Variants in ZSWIM5 observed in about 807,000 individuals in gnomAD.
ZSWIM5 encodes zinc finger SWIM domain-containing protein 5.
Under a neutral mutation model 119.6 loss-of-function variants are expected in ZSWIM5, and 55 were observed. The observed-to-expected ratio is 0.46, with a 90% confidence interval of 0.37 to 0.58. The LOEUF (loss-of-function observed/expected upper bound fraction) is 0.58, where lower values mean the gene tolerates loss of function less well. Among genes scored for constraint, ZSWIM5 ranks in the 20% least tolerant of loss-of-function variants. The pLI is 0.00. For missense variants in ZSWIM5, 1,193 were observed against 1,512.8 expected (o/e 0.79, Z 3.51); for synonymous variants, 537 against 606.9 (o/e 0.88, Z 1.69).
At chr1:45,034,547 GCTGGGGAGGAA>G in intron 10 of ZSWIM5, 78 bp from the exon 11 acceptor site, 2 of 1,493,726 alleles carry the variant, frequency 1.3e-6, no homozygotes, top group South Asian at 1.3e-5. Context: ...CTTGCTCTTT[GCTGGGGAGGAA>G]CTGGGGAGAG....
chr1:45,149,510 C>T (rs548543765), intron 1 of ZSWIM5, among the ~76,000 whole-genome samples: 130 of 152,248 alleles, frequency 8.5e-4, no homozygotes, highest in African/African-American at 2.9e-3. Flanking sequence ...TATTGGCATA[C>T]ATGTTACAAA....
At position 45,023,190 on chromosome 1, in the gene ZSWIM5, T is replaced by C. The variant is rs529043414; in HGVS notation, c.2450-2402A>G. Among the ~76,000 whole-genome samples, 5 of 152,352 alleles carry C rather than the reference T, an allele frequency of 3.3e-5. No homozygotes were observed. In the South Asian group the frequency reaches 8.3e-4, roughly 25 times the overall value. Reference sequence around the variant, plus strand: ...ATTAATCCACTATCACAGTGTCATATAAAATAGTTTCACCTCTCTAAAAAT... The same window carrying C: ...ATTAATCCACTATCACAGTGTCATACAAAATAGTTTCACCTCTCTAAAAAT... On this transcript the variant is annotated intron_variant, in intron 11 of 13. Coordinates refer to ENST00000359600, the MANE Select transcript of ZSWIM5 (RefSeq NM_020883.2).
intron 1 of ZSWIM5, among the ~76,000 whole-genome samples, chr1:45,136,780 T>C (rs1645692894): frequency 6.6e-6 from 1 of 152,184 alleles, no homozygotes; most frequent in Non-Finnish European, 1.5e-5. Flanking sequence ...TTGTGAATAC[T>C]AGTCTATTTT....
At chr1:45,033,628 G>T (rs1371820472) in intron 11 of ZSWIM5, among the ~76,000 whole-genome samples, 1 of 152,022 alleles carries the variant, frequency 6.6e-6, no homozygotes, top group Non-Finnish European at 1.5e-5. Flanking sequence ...TCTTATATCT[G>T]TAAGGAGTTC....
Position 45,072,044 on chromosome 1 carries a change from A to G in ZSWIM5, c.953-11797T>C, listed in dbSNP as rs6663316. Among the ~76,000 whole-genome samples the G allele has an allele frequency of 0.021, 3,132 of 152,304 alleles. 115 individuals are homozygous for G. The highest frequency in any genetic ancestry group is 0.072 in the African/African-American group (2,987 of 41,560). The stretch of plus-strand genomic sequence containing the variant: ...TGTACTAATTTACTTTGCCACCAAC[A>G]GTGTACGAGGGTTCCCTTTTCTCCA... On this transcript the variant is annotated intron_variant, in intron 2 of 13. Transcript: ENST00000359600. The surrounding 1 kb of genome is among the most constrained non-coding windows in gnomAD (Gnocchi z 4.1).
intron 4 of ZSWIM5, among the ~76,000 whole-genome samples, chr1:45,054,856 C>T (rs1303681775): frequency 1.3e-5 from 2 of 152,058 alleles, no homozygotes; most frequent in East Asian, 1.9e-4. Context: ...GATGGAGTCT[C>T]GCTCTGTCAC....
intron 1 of ZSWIM5, among the ~76,000 whole-genome samples, chr1:45,190,927 A>AT (rs746764436): frequency 0.035 from 1,731 of 48,988 alleles, 647 homozygotes; most frequent in African/African-American, 0.052. Flanking sequence ...AATAGCTGGA[A>AT]TTTTTTTTTT....
intron 1 of ZSWIM5, among the ~76,000 whole-genome samples, chr1:45,095,699 C>T (rs1401055558): frequency 2.0e-5 from 3 of 152,088 alleles, no homozygotes; most frequent in African/African-American, 7.2e-5. Flanking sequence ...TGAGGAATGA[C>T]CAGTGGGTTT....
chr1:45,022,888 C>T (rs1270539996), intron 11 of ZSWIM5, among the ~76,000 whole-genome samples: 1 of 152,214 alleles, frequency 6.6e-6, no homozygotes, highest in Non-Finnish European at 1.5e-5. Flanking sequence ...AATGCCTATA[C>T]ATCATTACAC....
intron 1 of ZSWIM5, among the ~76,000 whole-genome samples, chr1:45,131,778 A>G (rs1645658596): frequency 6.6e-6 from 1 of 151,202 alleles, no homozygotes; most frequent in Non-Finnish European, 1.5e-5. Context: ...TGATGATAGT[A>G]GCTACTAAAA....
intron 1 of ZSWIM5, among the ~76,000 whole-genome samples, chr1:45,175,432 T>A (rs1645974076): frequency 6.6e-6 from 1 of 152,032 alleles, no homozygotes; most frequent in African/African-American, 2.4e-5. Context: ...ACTCATCAAA[T>A]TTTCAACTTA....
intron 11 of ZSWIM5, among the ~76,000 whole-genome samples, chr1:45,024,416 T>C (rs1317789630): frequency 1.3e-5 from 2 of 151,912 alleles, no homozygotes; most frequent in East Asian, 3.9e-4. Flanking sequence ...GGTCTCAAAC[T>C]CCTGACCTCA....
rs908931538 is a variant in ZSWIM5 at position 45,038,595 on chromosome 1, G to A, written c.1894+341C>T. On this transcript the variant is annotated intron_variant, in intron 8 of 13. Coordinates refer to ENST00000359600, the MANE Select transcript of ZSWIM5 (RefSeq NM_020883.2). ...GTCTGGAAGGGAGAAAAGGGCTGAC[G>A]AGGGCAGTCTTTTTTTTTTTTTTTT... Among the ~76,000 whole-genome samples, 6 of 15,860 alleles carry A rather than the reference G, an allele frequency of 3.8e-4. No individual in the cohort carries two copies. In the South Asian group the frequency reaches 0.011, roughly 30 times the overall value. The allele number at this position is 15,860 out of a possible 152,430, so 10.4% of individuals were successfully genotyped here. A position where few individuals can be genotyped will look rare whatever the true frequency, so the allele number is the denominator to read the frequency against.
chr1:45,103,945 T>C (rs1198872915), intron 1 of ZSWIM5, among the ~76,000 whole-genome samples: 1 of 152,168 alleles, frequency 6.6e-6, no homozygotes, highest in African/African-American at 2.4e-5. Flanking sequence ...AAAATGATTA[T>C]CATTTCAGCC....
intron 1 of ZSWIM5, among the ~76,000 whole-genome samples, chr1:45,090,535 G>A (rs757620317): frequency 2.6e-5 from 4 of 152,024 alleles, no homozygotes; most frequent in South Asian, 2.1e-4. Context: ...AGGATTGCTC[G>A]AGGCTAGGAG....
chr1:45,193,754 T>C (rs557539527), intron 1 of ZSWIM5, among the ~76,000 whole-genome samples: 1 of 152,296 alleles, frequency 6.6e-6, no homozygotes, highest in East Asian at 1.9e-4. Context: ...AATATTTACA[T>C]AGCACTTAAT....
At chr1:45,077,677 A>G (rs1645263594) in intron 2 of ZSWIM5, among the ~76,000 whole-genome samples, 3 of 152,186 alleles carry the variant, frequency 2.0e-5, no homozygotes, top group Admixed American at 1.3e-4. Flanking sequence ...CTTCCTAATA[A>G]GCCTGGGAGC....
intron 5 of ZSWIM5, among the ~76,000 whole-genome samples, chr1:45,048,062 TTTC>T (rs1645066520): frequency 9.6e-4 from 5 of 5,224 alleles, no homozygotes; most frequent in African/African-American, 2.4e-3. Flanking sequence ...TCTTTCTTTC[TTTC>T]TTTCCTTTTC....
rs1644875652 is a variant in ZSWIM5, at chr1:45,019,698, C to T, written c.2695+368G>A. 6.6e-6 allele frequency among the ~76,000 whole-genome samples: 1 copy of T among 152,108 alleles called. No individual in the cohort carries two copies. Among genetic ancestry groups the T allele is most frequent in the Non-Finnish European group, 1.5e-5 (1 of 68,024 alleles). On this transcript the variant is annotated intron_variant, in intron 13 of 13. Coordinates refer to ENST00000359600, the MANE Select transcript of ZSWIM5 (RefSeq NM_020883.2). This position sits in a 1 kb window ranked among gnomAD's most constrained non-coding sequence, Gnocchi z 5.0. ...TGGGGCTTTGGGCTTTAGAAAGGGT[C>T]CTGAGCCTCTAAGTTGTCTGGAGTT...
Sources: gnomAD v4.1 joint callset for allele counts (sites outside exome capture counted in the v4.1 genomes callset) on GRCh38, gnomAD v4.1.1 for gene constraint, Gnocchi (gnomAD v3.1) non-coding constraint, MANE v1.5 for transcripts, NCBI Gene and HGNC (gene_info 2026-07-23, HGNC 2026-07-21) for gene names.